The following TENM2 variants were observed in gnomAD, a reference collection of about 807,000 sequenced individuals.
TENM2 encodes teneurin transmembrane protein 2, also known as teneurin-2.
TENM2 carries 52 observed loss-of-function variants against 245.2 expected under a neutral mutation model. The observed-to-expected ratio is 0.21, with a 90% CI of 0.17 to 0.27. The LOEUF (loss-of-function observed/expected upper bound fraction) is 0.27, where lower values mean the gene tolerates loss of function less well. Ranked by LOEUF, TENM2 falls within the 10% of genes least tolerant of loss-of-function variation. TENM2 has a pLI of 1.00. For missense variants in TENM2, 3,046 were observed against 3,666.8 expected, an observed-to-expected ratio of 0.83 and a Z score of 4.37; for synonymous variants, 1,363 against 1,438.9, an observed-to-expected ratio of 0.95 and a Z score of 1.19.
At chr5:168,145,662 A>G (rs1478384957) in intron 12 of TENM2, among the ~76,000 whole-genome samples, 2 of 152,270 alleles carry the variant, frequency 1.3e-5, no homozygotes, top group African/African-American at 4.8e-5. Context: ...TGGTGATGCG[A>G]GCTCTTTTTT....
the TENM2 span, among the ~76,000 whole-genome samples, chr5:167,107,129 T>A: frequency 4.8e-5 from 7 of 146,232 alleles, no homozygotes; most frequent in Admixed American, 1.4e-4. Context: ...GGCATGGTGG[T>A]GCATGCCTGT....
Position 167,925,311 on chromosome 5 carries a change from A to G in TENM2, c.713-27277A>G, listed in dbSNP as rs73803288. On this transcript the variant is annotated intron_variant, in intron 3 of 28. Transcript: ENST00000518659. Reference sequence around the variant, plus strand: ...CTTATCATTCCATTTATATAAGTTCAAAACATGTAAAACTAACTTATGATG... The same window carrying G: ...CTTATCATTCCATTTATATAAGTTCGAAACATGTAAAACTAACTTATGATG... 1.1e-3 allele frequency among the ~76,000 whole-genome samples: 167 copies of G among 152,372 alleles called. 1 individual carries two copies. Among genetic ancestry groups the G allele is most frequent in the African/African-American group, 3.9e-3 (161 of 41,592 alleles).
the TENM2 span, among the ~76,000 whole-genome samples, chr5:167,199,557 A>G: frequency 6.6e-6 from 1 of 152,056 alleles, no homozygotes; most frequent in East Asian, 1.9e-4. Flanking sequence ...CGTTTTCAGG[A>G]CTGCAGCTGC....
the TENM2 span, among the ~76,000 whole-genome samples, chr5:167,050,290 C>T: frequency 2.0e-5 from 3 of 152,170 alleles, no homozygotes; most frequent in African/African-American, 4.8e-5. Context: ...ATAAGAACCA[C>T]GGACCCTACT....
At chr5:168,154,064 C>T (rs1401311077) in intron 12 of TENM2, among the ~76,000 whole-genome samples, 3 of 148,764 alleles carry the variant, frequency 2.0e-5, no homozygotes, top group African/African-American at 7.5e-5. Context: ...CACTGAGTAA[C>T]TGACGTGGGA....
intron 17 of TENM2, among the ~76,000 whole-genome samples, chr5:168,200,411 G>T (rs1761832582): frequency 6.6e-6 from 1 of 152,196 alleles, no homozygotes; most frequent in Non-Finnish European, 1.5e-5. Context: ...ACTGTGGTGA[G>T]CATTTAGGGA....
chr5:167,482,975 C>T (rs766580416), intron 2 of TENM2, among the ~76,000 whole-genome samples: 2 of 152,210 alleles, frequency 1.3e-5, no homozygotes, highest in Admixed American at 6.5e-5. Flanking sequence ...TCTTTCACTA[C>T]GTTAAATTCA....
the TENM2 span, among the ~76,000 whole-genome samples, chr5:167,259,169 C>T: frequency 1.3e-5 from 2 of 152,000 alleles, no homozygotes; most frequent in African/African-American, 4.8e-5. Flanking sequence ...ATATAGTAGA[C>T]CGAGGTAAAA....
chr5:167,710,276 A>G (rs1045444711), intron 2 of TENM2, among the ~76,000 whole-genome samples: 5 of 152,196 alleles, frequency 3.3e-5, no homozygotes, highest in Admixed American at 6.5e-5. Context: ...CAGTGAATAC[A>G]TACTATTTGA....
intron 7 of TENM2, among the ~76,000 whole-genome samples, chr5:168,069,876 A>G (rs1359483878): frequency 2.0e-5 from 3 of 152,172 alleles, no homozygotes; most frequent in African/African-American, 7.2e-5. Flanking sequence ...GTCAGAGGAA[A>G]GCCTTGGTAA....
chr5:167,128,995 T>G, the TENM2 span, among the ~76,000 whole-genome samples: 1 of 152,242 alleles, frequency 6.6e-6, no homozygotes, highest in East Asian at 1.9e-4. Flanking sequence ...TAGTGAGTTC[T>G]GGTCTGCTGT....
intron 1 of TENM2, among the ~76,000 whole-genome samples, chr5:167,336,596 A>G (rs1296678666): frequency 6.6e-6 from 1 of 152,038 alleles, no homozygotes; most frequent in Admixed American, 6.6e-5. Context: ...ACTCTTTCTA[A>G]TCAGCAGTTA....
the TENM2 span, among the ~76,000 whole-genome samples, chr5:167,215,712 C>T: frequency 6.6e-6 from 1 of 152,188 alleles, no homozygotes; most frequent in African/African-American, 2.4e-5. Flanking sequence ...AAGTGAATTT[C>T]CTAAGATCAT....
chr5:167,119,666 C>T, the TENM2 span: 4 of 152,160 alleles, frequency 2.6e-5, no homozygotes, highest in African/African-American at 9.7e-5. Flanking sequence ...CCTCATGACC[C>T]AAGCACTTAT....
intron 2 of TENM2, among the ~76,000 whole-genome samples, chr5:167,499,082 C>T (rs1217701811): frequency 6.6e-6 from 1 of 152,144 alleles, no homozygotes; most frequent in Non-Finnish European, 1.5e-5. Context: ...CTCAGTTGAG[C>T]TCATCCCCTT....
the TENM2 span, among the ~76,000 whole-genome samples, chr5:167,054,544 A>G: frequency 6.6e-6 from 1 of 152,162 alleles, no homozygotes; most frequent in South Asian, 2.1e-4. Context: ...TTGAATAAGT[A>G]CCAAGGAGTG....
the TENM2 span, among the ~76,000 whole-genome samples, chr5:167,050,450 G>T: frequency 1.3e-5 from 2 of 152,178 alleles, no homozygotes; most frequent in South Asian, 4.1e-4. Flanking sequence ...GATCCCTGGT[G>T]CCAAAAGGTT....
chr5:167,837,925 T>C lies in TENM2; in HGVS notation c.503-38061T>C, dbSNP rs1445042022. 2.6e-5 allele frequency among the ~76,000 whole-genome samples: 4 copies of C among 152,204 alleles called. No homozygotes were observed. In the South Asian group the frequency reaches 6.2e-4, roughly 24 times the overall value. On this transcript the variant is annotated intron_variant, in intron 2 of 28. Transcript: ENST00000518659. Reference sequence around the variant, plus strand: ...ACTGTCCCAGGGACCTTGAAGTCTGTCTTCCACTTCCCAGGGCCCCTTCAT... The same window carrying C: ...ACTGTCCCAGGGACCTTGAAGTCTGCCTTCCACTTCCCAGGGCCCCTTCAT...
At chr5:168,142,623 G>A (rs1018630773) in intron 12 of TENM2, among the ~76,000 whole-genome samples, 1 of 152,208 alleles carries the variant, frequency 6.6e-6, no homozygotes. Flanking sequence ...TTGAAGCCAA[G>A]CTGAGAATAG....
Sources: allele counts gnomAD v4.1 joint callset (sites outside exome capture counted in the v4.1 genomes callset), GRCh38; gene constraint gnomAD v4.1.1; transcripts MANE v1.5; gene names NCBI Gene and HGNC (gene_info 2026-07-23, HGNC 2026-07-21).